CHST9: variants seen among roughly 807,000 people sequenced by gnomAD.
CHST9 encodes the protein carbohydrate sulfotransferase 9.
CHST9 carries 41 observed loss-of-function variants against 44.4 expected under a neutral mutation model. The ratio of observed to expected loss-of-function variants is 0.92; its 90% confidence interval spans 0.72 to 1.20. The LOEUF is 1.20. CHST9 is among the 50% of genes most tolerant of loss of function. The pLI is 0.00. For missense variants in CHST9, 504 were observed against 516.5 expected, an observed-to-expected ratio of 0.98 and a Z score of 0.23; for synonymous variants, 171 against 178.4, an observed-to-expected ratio of 0.96 and a Z score of 0.33.
intron 4 of CHST9, among the ~76,000 whole-genome samples, chr18:26,949,383 C>CT (rs35343773): frequency 0.18 from 27,560 of 149,414 alleles, 2,570 homozygotes; most frequent in East Asian, 0.24. Flanking sequence ...CTCATCTCTA[C>CT]TTTTTTTTTT....
In CHST9 at chr18:27,024,160, G is replaced by C. The variant is rs573900017; in HGVS notation, c.161-3C>G. ...CAAGTACTTCACTGGTCCCCATCCT[G>C]AAAAAGAAGAGGAAAGAAATTCATA... is the stretch of plus-strand genomic sequence containing the variant. On this transcript the variant is annotated splice_region_variant and splice_polypyrimidine_tract_variant and intron_variant, in intron 3 of 5. Transcript: ENST00000618847. 6 of 1,607,896 alleles carry C rather than the reference G, an allele frequency of 3.7e-6. No individual in the cohort carries two copies. In the South Asian group the frequency reaches 6.7e-5, roughly 18 times the overall value.
intron 4 of CHST9, among the ~76,000 whole-genome samples, chr18:26,989,546 A>G (rs1394268452): frequency 6.6e-6 from 1 of 152,188 alleles, no homozygotes; most frequent in Admixed American, 6.5e-5. Context: ...TAAACATATA[A>G]CTACCCTTGA....
At chr18:27,063,585 G>A (rs1165026701) in intron 2 of CHST9, among the ~76,000 whole-genome samples, 1 of 152,118 alleles carries the variant, frequency 6.6e-6, no homozygotes, top group Admixed American at 6.5e-5. Flanking sequence ...ACAATCCACT[G>A]TCATGTGTAT....
intron 5 of CHST9, 44 bp downstream of exon 5, chr18:26,944,277 TTAACATTG>T: frequency 7.3e-7 from 1 of 1,370,308 alleles, no homozygotes; most frequent in South Asian, 1.2e-5. Context: ...CACATGTTTA[TTAACATTG>T]AAACAAAATT....
chr18:27,110,784 G>A (rs1336561235), intron 2 of CHST9, among the ~76,000 whole-genome samples: 1 of 152,222 alleles, frequency 6.6e-6, no homozygotes, highest in Non-Finnish European at 1.5e-5. Flanking sequence ...CTAGGACATT[G>A]TTGAGCTAGG....
At chr18:27,094,832 T>A (rs1016187264) in intron 2 of CHST9, among the ~76,000 whole-genome samples, 1 of 152,210 alleles carries the variant, frequency 6.6e-6, no homozygotes, top group Non-Finnish European at 1.5e-5. Context: ...AGCTAGCTAG[T>A]GTCTAAGGCA....
rs762602911 is a variant in CHST9, at chr18:27,126,802, T to G, written c.121+15887A>C. Among the ~76,000 whole-genome samples, 43 of 151,948 alleles carry G rather than the reference T, an allele frequency of 2.8e-4. 1 individual carries two copies. Among genetic ancestry groups the G allele is most frequent in the Admixed American group, 1.3e-3 (20 of 15,246 alleles). On this transcript the variant is annotated intron_variant, in intron 2 of 5. Coordinates refer to ENST00000618847, the MANE Select transcript of CHST9 (RefSeq NM_031422.6). ...ACAATGGGATGGTGACAGGGCAAGG[T>G]CACGGGATGGGGAGGAAGGCTGCTT... is the stretch of plus-strand genomic sequence containing the variant.
chr18:27,064,442 T>C (rs1192751098), intron 2 of CHST9, among the ~76,000 whole-genome samples: 2 of 152,260 alleles, frequency 1.3e-5, no homozygotes, highest in East Asian at 3.9e-4. Flanking sequence ...ATTTTTGCAC[T>C]GGAAAGTACT....
At chr18:27,094,412 A>C (rs527604847) in intron 2 of CHST9, among the ~76,000 whole-genome samples, 1 of 152,316 alleles carries the variant, frequency 6.6e-6, no homozygotes, top group Non-Finnish European at 1.5e-5. Context: ...AACATCAGAA[A>C]ATGTAAAAAG....
In CHST9 at chr18:27,024,132, C is replaced by A. The variant is rs1411807935; in HGVS notation, c.186G>T (p.Arg62=). Reference sequence around the variant, plus strand: ...GTTACTCACTGATTCTGGGTACAGGCCGCAAGTACTTCACTGGTCCCCATC... The same window carrying A: ...GTTACTCACTGATTCTGGGTACAGGACGCAAGTACTTCACTGGTCCCCATC... ...TSGWGPVKYL[R]PVPRIMSTEK... Residue 62 remains arginine (R), a synonymous_variant, in exon 4 of 6, where the codon CGG becomes CGT. Transcript: ENST00000618847. 1.9e-6 allele frequency: 3 copies of A among 1,612,444 alleles called. No individual in the cohort carries two copies. In the South Asian group the frequency reaches 3.3e-5, roughly 18 times the overall value.
intron 4 of CHST9, among the ~76,000 whole-genome samples, chr18:26,965,642 G>A (rs1168388591): frequency 6.6e-6 from 1 of 152,178 alleles, no homozygotes; most frequent in Non-Finnish European, 1.5e-5. Flanking sequence ...TTACTGCATG[G>A]TATTGCTATG....
intron 2 of CHST9, among the ~76,000 whole-genome samples, chr18:27,051,452 T>C (rs2143571806): frequency 6.6e-6 from 1 of 152,272 alleles, no homozygotes; most frequent in South Asian, 2.1e-4. Context: ...GGCTTCAATA[T>C]TCCTTTCTTT....
intron 4 of CHST9, among the ~76,000 whole-genome samples, 195 bp from the exon 5 acceptor site, chr18:26,944,561 G>A (rs1369797376): frequency 2.0e-5 from 3 of 150,964 alleles, no homozygotes; most frequent in African/African-American, 7.4e-5. Context: ...AATAAACTGT[G>A]TTAGGCAAAG....
intron 4 of CHST9, among the ~76,000 whole-genome samples, chr18:27,019,710 AAG>A (rs1568135639): frequency 3.3e-5 from 5 of 150,938 alleles, no homozygotes; most frequent in East Asian, 1.9e-4. Context: ...AAAAAAAAAA[AAG>A]AGAGAAAAAC....
At chr18:26,978,673 G>A (rs549556873) in intron 4 of CHST9, among the ~76,000 whole-genome samples, 1 of 152,160 alleles carries the variant, frequency 6.6e-6, no homozygotes, top group African/African-American at 2.4e-5. Context: ...GTAACCAGAG[G>A]GAAGAAACTT....
chr18:27,110,491 A>C (rs2058261833), intron 2 of CHST9, among the ~76,000 whole-genome samples: 1 of 152,214 alleles, frequency 6.6e-6, no homozygotes, highest in Non-Finnish European at 1.5e-5. Context: ...TCATGTAACC[A>C]AATTACTTCC....
At chr18:26,963,192 G>T (rs2056422305) in intron 4 of CHST9, among the ~76,000 whole-genome samples, 1 of 152,094 alleles carries the variant, frequency 6.6e-6, no homozygotes, top group Admixed American at 6.5e-5. Context: ...TCAACATAGA[G>T]TTCTTTCCAC....
At chr18:27,155,372 G>A (rs1226763903) in intron 1 of CHST9, among the ~76,000 whole-genome samples, 3 of 152,168 alleles carry the variant, frequency 2.0e-5, no homozygotes, top group Non-Finnish European at 4.4e-5. Context: ...TACTGCTAGA[G>A]AGGTTTATTC....
chr18:27,180,218 T>A (rs999525414), intron 1 of CHST9, among the ~76,000 whole-genome samples: 22 of 152,178 alleles, frequency 1.4e-4, no homozygotes, highest in African/African-American at 4.6e-4. Flanking sequence ...ATGTTTTATT[T>A]GTCTTAAATT....
Sources: gnomAD v4.1 joint callset for allele counts (sites outside exome capture counted in the v4.1 genomes callset) on GRCh38, gnomAD v4.1.1 for gene constraint, MANE v1.5 for transcripts, NCBI Gene and HGNC (gene_info 2026-07-23, HGNC 2026-07-21) for gene names.